THOC7: variants seen among roughly 807,000 people sequenced by gnomAD.
THOC7 encodes THO complex subunit 7.
THOC7 carries 22 observed loss-of-function variants against 33.1 expected under a neutral mutation model. The ratio of observed to expected loss-of-function variants is 0.66; its 90% confidence interval spans 0.47 to 0.95. The LOEUF (loss-of-function observed/expected upper bound fraction) is 0.95. Among genes scored for constraint, THOC7 ranks in the 40% least tolerant of loss-of-function variants. THOC7 has a pLI of 0.00. For missense variants in THOC7, 184 were observed against 245.3 expected (o/e 0.75, Z 1.67); for synonymous variants, 77 against 76.8 (o/e 1.00, Z -0.01).
In THOC7 at chr3:63,834,074, C is replaced by T; in HGVS notation, c.*58G>A. 1 of 1,553,272 alleles carries T rather than the reference C, an allele frequency of 6.4e-7. No homozygotes were observed. The highest frequency in any genetic ancestry group is 8.8e-7 in the Non-Finnish European group (1 of 1,133,634). On this transcript the variant is annotated 3_prime_UTR_variant, in exon 8 of 8. Coordinates refer to ENST00000295899, the MANE Select transcript of THOC7 (RefSeq NM_025075.4). ...TCTCAAGAGCATACCACATTTTAAA[C>T]ACATTATGGTCATGTAGCTATTTCA...
At chr3:63,848,221 G>C (rs1485937503) in intron 1 of THOC7, 1 of 152,128 alleles carries the variant, frequency 6.6e-6, no homozygotes, top group East Asian at 1.9e-4. Flanking sequence ...GAGATTAAGA[G>C]TCTGGCACCT....
At chr3:63,860,037 T>G (rs1321125660) in intron 1 of THOC7, among the ~76,000 whole-genome samples, 2 of 152,170 alleles carry the variant, frequency 1.3e-5, no homozygotes, top group African/African-American at 4.8e-5. Context: ...GGTGCAATCA[T>G]GGCTCGTTGC....
At chr3:63,835,260 GTATA>G (rs1300603902) in intron 6 of THOC7, 37 bp from the exon 7 acceptor site, 1 of 1,611,626 alleles carries the variant, frequency 6.2e-7, no homozygotes, top group African/African-American at 1.3e-5. Context: ...CAAATGACCT[GTATA>G]TATAGATATA....
intron 1 of THOC7, chr3:63,848,757 G>A (rs1701958661): frequency 6.6e-6 from 1 of 151,732 alleles, no homozygotes; most frequent in Admixed American, 6.6e-5. Flanking sequence ...AAAAACTATG[G>A]GTTTTCATGG....
upstream of THOC7, among the ~76,000 whole-genome samples, chr3:63,864,249 G>A (rs1159230502): frequency 4.0e-5 from 6 of 151,394 alleles, no homozygotes; most frequent in Admixed American, 3.3e-4. Context: ...TCCCCGGGAA[G>A]GTGACTGCGG....
At chr3:63,859,148 C>A (rs1379419542) in intron 1 of THOC7, among the ~76,000 whole-genome samples, 1 of 152,206 alleles carries the variant, frequency 6.6e-6, no homozygotes, top group African/African-American at 2.4e-5. Context: ...CGCTCTAATC[C>A]AAGCCCACAT....
At chr3:63,864,261 C>A (rs1382233640), upstream of THOC7, among the ~76,000 whole-genome samples, 2 of 151,312 alleles carry the variant, frequency 1.3e-5, no homozygotes, top group African/African-American at 4.8e-5. Context: ...TGACTGCGGC[C>A]CCGCCGCCCC....
chr3:63,856,067 T>C (rs747347715), intron 1 of THOC7, among the ~76,000 whole-genome samples: 37 of 151,780 alleles, frequency 2.4e-4, no homozygotes, highest in Non-Finnish European at 4.7e-4. Context: ...TTTGGAAGAG[T>C]AAAAAACTGA....
intron 1 of THOC7, among the ~76,000 whole-genome samples, chr3:63,849,075 A>G (rs866499660): frequency 6.6e-6 from 1 of 152,230 alleles, no homozygotes; most frequent in South Asian, 2.1e-4. Flanking sequence ...GGAATACCAT[A>G]TTTGAAAATG....
rs114972686 is a variant in THOC7 at position 63,856,561 on chromosome 3, G to A, written c.19+7211C>T. Among the ~76,000 whole-genome samples, 405 of 152,194 alleles carry A rather than the reference G, an allele frequency of 2.7e-3. 2 individuals carry two copies. The highest frequency in any genetic ancestry group is 9.2e-3 in the African/African-American group (382 of 41,528). On this transcript the variant is annotated intron_variant, in intron 1 of 7. Coordinates refer to ENST00000295899, the MANE Select transcript of THOC7 (RefSeq NM_025075.4). ...TTAAAAAAAATTTTATGGGTACACA[G>A]AAGTTGAATACAGACCAGTGTGTAA...
intron 1 of THOC7, among the ~76,000 whole-genome samples, chr3:63,858,616 G>A (rs1366400696): frequency 6.6e-6 from 1 of 152,124 alleles, no homozygotes; most frequent in African/African-American, 2.4e-5. Context: ...CTTCTGAAAT[G>A]ATTTCTATCA....
At chr3:63,858,277 C>T (rs992619637) in intron 1 of THOC7, among the ~76,000 whole-genome samples, 14 of 152,144 alleles carry the variant, frequency 9.2e-5, no homozygotes, top group Non-Finnish European at 1.6e-4. Flanking sequence ...AAAGTGTGTA[C>T]TATTATCTTC....
At chr3:63,850,667 A>G (rs573005148) in intron 1 of THOC7, among the ~76,000 whole-genome samples, 30 of 146,466 alleles carry the variant, frequency 2.0e-4, no homozygotes, top group African/African-American at 7.4e-4. Flanking sequence ...GCTCACTGCA[A>G]CCTCTGCCTC....
At chr3:63,840,804 AG>A (rs1701739793) in intron 1 of THOC7, among the ~76,000 whole-genome samples, 1 of 152,204 alleles carries the variant, frequency 6.6e-6, no homozygotes, top group East Asian at 1.9e-4. Flanking sequence ...ACTGTTGGCA[AG>A]GGTGTTAGAA....
chr3:63,840,079 C>T (rs1701726432), intron 1 of THOC7, among the ~76,000 whole-genome samples: 1 of 152,120 alleles, frequency 6.6e-6, no homozygotes, highest in African/African-American at 2.4e-5. Flanking sequence ...GACATCGTTA[C>T]AGAGTTGGCA....
chr3:63,849,314 G>A (rs1018745704), intron 1 of THOC7, among the ~76,000 whole-genome samples: 3 of 152,212 alleles, frequency 2.0e-5, no homozygotes, highest in Non-Finnish European at 2.9e-5. Flanking sequence ...CTTGAACCCA[G>A]GAGGCGGAGG....
chr3:63,844,053 A>G (rs1292195190), intron 1 of THOC7, among the ~76,000 whole-genome samples: 1 of 152,240 alleles, frequency 6.6e-6, no homozygotes, highest in Admixed American at 6.5e-5. Flanking sequence ...TTTCAACTAC[A>G]TGGATGAACC....
chr3:63,845,933 CTA>C (rs1701883967), intron 1 of THOC7, among the ~76,000 whole-genome samples: 1 of 152,172 alleles, frequency 6.6e-6, no homozygotes, highest in Non-Finnish European at 1.5e-5. Context: ...ATGAAAAAGA[CTA>C]TTCATCTAAG....
intron 1 of THOC7, among the ~76,000 whole-genome samples, chr3:63,841,058 C>T (rs1222003869): frequency 6.6e-6 from 1 of 152,284 alleles, no homozygotes; most frequent in South Asian, 2.1e-4. Flanking sequence ...AATGATGAAA[C>T]ATTCACATAA....
Sources: allele counts gnomAD v4.1 joint callset (sites outside exome capture counted in the v4.1 genomes callset), GRCh38; gene constraint gnomAD v4.1.1; transcripts MANE v1.5; gene names NCBI Gene and HGNC (gene_info 2026-07-23, HGNC 2026-07-21).